Variants in CHD9 observed in about 807,000 individuals in gnomAD.
CHD9 encodes chromodomain helicase DNA binding protein 9.
In CHD9, 77 loss-of-function variants were observed where a neutral mutation model predicts 316.1. The ratio of observed to expected loss-of-function variants is 0.24; its 90% CI spans 0.20 to 0.29. The LOEUF (loss-of-function observed/expected upper bound fraction) is 0.29, where lower values mean the gene tolerates loss of function less well. CHD9 is among the 10% of genes least tolerant of loss of function. The pLI is 1.00. For missense variants in CHD9, 2,763 were observed against 3,438.1 expected (o/e 0.80, Z 4.91); for synonymous variants, 1,129 against 1,158.3 (o/e 0.97, Z 0.51).
At chr16:53,251,824 T>C (rs1208438464) in intron 17 of CHD9, among the ~76,000 whole-genome samples, 1 of 152,118 alleles carries the variant, frequency 6.6e-6, no homozygotes, top group Non-Finnish European at 1.5e-5. Context: ...TTAAATAAAA[T>C]TTAGATATCC....
At chr16:53,106,915 A>G (rs1246486749) in intron 1 of CHD9, among the ~76,000 whole-genome samples, 1 of 152,232 alleles carries the variant, frequency 6.6e-6, no homozygotes, top group Non-Finnish European at 1.5e-5. Context: ...TGACCAAATT[A>G]TGGAATACAA....
intron 23 of CHD9, 103 bp downstream of exon 23, chr16:53,273,888 C>G: frequency 9.7e-7 from 1 of 1,035,064 alleles, no homozygotes. Context: ...ACAGCATGGT[C>G]TAGGGCCAAT....
At chr16:53,124,467 A>ATTTTTTTTTTTTT (rs753476091) in intron 1 of CHD9, among the ~76,000 whole-genome samples, 1 of 96,924 alleles carries the variant, frequency 1.0e-5, no homozygotes, top group African/African-American at 3.8e-5. Flanking sequence ...GTGAGACTTA[A>ATTTTTTTTTTTTT]TTTTTTTTTT....
intron 1 of CHD9, among the ~76,000 whole-genome samples, chr16:53,060,868 C>A (rs914223719): frequency 6.6e-6 from 1 of 151,472 alleles, no homozygotes; most frequent in African/African-American, 2.4e-5. Context: ...CTATAGTGAG[C>A]CATGATTGCA....
chr16:53,211,202 A>G (rs2046306654), intron 3 of CHD9, among the ~76,000 whole-genome samples: 1 of 152,156 alleles, frequency 6.6e-6, no homozygotes, highest in Admixed American at 6.5e-5. Context: ...AGTTACACTA[A>G]CCGTTACTTG....
intron 13 of CHD9, 42 bp downstream of exon 13, chr16:53,243,058 A>T (rs2152951867): frequency 7.1e-7 from 1 of 1,415,344 alleles, no homozygotes; most frequent in Non-Finnish European, 9.8e-7. Context: ...TGAGTTTATT[A>T]GATGTATAGT....
intron 17 of CHD9, among the ~76,000 whole-genome samples, chr16:53,250,819 C>CT (rs200356641): frequency 1.6e-4 from 24 of 147,776 alleles, no homozygotes; most frequent in Admixed American, 4.7e-4. Context: ...CATATTAGTA[C>CT]TTTTTTTTTT....
Position 53,177,305 on chromosome 16 carries a change from C to A in CHD9, c.1452+19764C>A, listed in dbSNP as rs145193542. 3.9e-3 allele frequency among the ~76,000 whole-genome samples: 592 copies of A among 152,214 alleles called. 8 individuals carry two copies. Among genetic ancestry groups the A allele is most frequent in the African/African-American group, 0.014 (563 of 41,550 alleles). Reference sequence around the variant, plus strand: ...AACTAGGTTCTAGGTACTATAGCTTCTAAGTCACAGACTTAAGGCATGAAC... The same window carrying A: ...AACTAGGTTCTAGGTACTATAGCTTATAAGTCACAGACTTAAGGCATGAAC... On this transcript the variant is annotated intron_variant, in intron 2 of 38. Transcript: ENST00000447540.
At chr16:53,201,743 C>A (rs1292128110) in intron 2 of CHD9, among the ~76,000 whole-genome samples, 7 of 152,090 alleles carry the variant, frequency 4.6e-5, no homozygotes, top group Non-Finnish European at 5.9e-5. Flanking sequence ...ATAGCCACCC[C>A]CTCCATGGAT....
chr16:53,314,482 TC>T lies in CHD9; in HGVS notation c.7329del (p.Phe2444SerfsTer14). The T allele has an allele frequency of 1.3e-6, 2 of 1,579,090 alleles. No homozygotes were observed. The highest frequency in any genetic ancestry group is 1.7e-6 in the Non-Finnish European group (2 of 1,161,178). ...GRRKNVEGVDIFFFNRNKPPN... is the reference protein window; with the variant it reads ...GRRKNVEGVDXFFFNRNKPPN... ...AGGAAGAATGTAGAAGGTGTTGACA[TC>T]TTCTTTTTTAACAGAAATAAACCAC... is the stretch of plus-strand genomic sequence containing the variant. On this transcript the variant is annotated frameshift_variant, in exon 35 of 39. Transcript: ENST00000447540. LOFTEE classifies it high-confidence loss of function.
intron 1 of CHD9, among the ~76,000 whole-genome samples, chr16:53,155,576 G>A (rs1003215734): frequency 1.3e-5 from 2 of 152,116 alleles, no homozygotes; most frequent in Non-Finnish European, 2.9e-5. Context: ...CATCTAAAGT[G>A]TATATTTAGT....
At chr16:53,109,903 C>T (rs1166342465) in intron 1 of CHD9, among the ~76,000 whole-genome samples, 1 of 151,666 alleles carries the variant, frequency 6.6e-6, no homozygotes, top group African/African-American at 2.4e-5. Context: ...CCAGGATGGT[C>T]TCGATCTCCT....
At chr16:53,085,992 A>T (rs2035427986) in intron 1 of CHD9, among the ~76,000 whole-genome samples, 1 of 152,240 alleles carries the variant, frequency 6.6e-6, no homozygotes, top group African/African-American at 2.4e-5. Context: ...GGAAAGAATG[A>T]GCAATGGAAA....
intron 2 of CHD9, among the ~76,000 whole-genome samples, chr16:53,184,656 A>G (rs1597338316): frequency 6.6e-6 from 1 of 152,200 alleles, no homozygotes; most frequent in Admixed American, 6.5e-5. Context: ...TTTAAAAGAT[A>G]GTTAGATGGG....
chr16:53,285,571 A>G, intron 24 of CHD9, 25 bp from the exon 25 acceptor site: 1 of 1,443,886 alleles, frequency 6.9e-7, no homozygotes, highest in Non-Finnish European at 9.5e-7. Flanking sequence ...ATAATTCATA[A>G]TGCCATATTA....
Position 53,303,846 on chromosome 16 carries a change from G to A in CHD9, c.5840G>A (p.Arg1947His), listed in dbSNP as rs758101701. 7.4e-6 allele frequency: 12 copies of A among 1,613,878 alleles called. No homozygotes were observed. The highest frequency in any genetic ancestry group is 3.3e-5 in the South Asian group (3 of 91,088). ...QALRHPQLFE[R>H]LKLCHPNPDL... Reference sequence around the variant, plus strand: ...CTTCGACATCCACAGTTGTTTGAACGCTTGAAGCTTTGCCATCCAAATCCA... The same window carrying A: ...CTTCGACATCCACAGTTGTTTGAACACTTGAAGCTTTGCCATCCAAATCCA... Residue 1947 changes from arginine to histidine, a missense_variant, in exon 31 of 39, where the codon CGC (arginine) becomes CAC (histidine). Coordinates refer to ENST00000447540, the MANE Select transcript of CHD9 (RefSeq NM_001308319.2).
chr16:53,320,463 A>G (rs2057197389), intron 37 of CHD9, among the ~76,000 whole-genome samples: 1 of 152,150 alleles, frequency 6.6e-6, no homozygotes, highest in Non-Finnish European at 1.5e-5. Flanking sequence ...CGGAAGTTGC[A>G]GTGAGCCAAG....
chr16:53,100,109 T>A (rs1336801361), intron 1 of CHD9, among the ~76,000 whole-genome samples: 1 of 152,200 alleles, frequency 6.6e-6, no homozygotes, highest in East Asian at 1.9e-4. Flanking sequence ...TGGGTGATAC[T>A]GCAGCCCACG....
chr16:53,243,292 A>G (rs531326200), intron 13 of CHD9, among the ~76,000 whole-genome samples: 2 of 152,218 alleles, frequency 1.3e-5, no homozygotes, highest in Admixed American at 1.3e-4. Context: ...TTAAAAGAAA[A>G]TAAGACCGTA....
Sources: gnomAD v4.1 joint callset for allele counts (sites outside exome capture counted in the v4.1 genomes callset) on GRCh38, gnomAD v4.1.1 for gene constraint, MANE v1.5 for transcripts, NCBI Gene and HGNC (gene_info 2026-07-23, HGNC 2026-07-21) for gene names.